LRIF1: variants seen among roughly 807,000 people sequenced by gnomAD.
LRIF1 encodes ligand dependent nuclear receptor interacting factor 1, also known as ligand-dependent nuclear receptor-interacting factor 1.
Under a neutral mutation model 52.7 loss-of-function variants are expected in LRIF1, and 32 were observed. The ratio of observed to expected loss-of-function variants is 0.61; its 90% CI spans 0.46 to 0.82. The LOEUF is 0.82. Ranked by LOEUF, LRIF1 falls within the 40% of genes least tolerant of loss-of-function variation. LRIF1 has a pLI of 0.00. For synonymous variants in LRIF1, 323 were observed against 317.4 expected (o/e 1.02, Z -0.19); for missense variants, 887 against 892.0 (o/e 0.99, Z 0.07).
At chr1:110,907,563 C>T in the LRIF1 span, among the ~76,000 whole-genome samples, 3 of 152,032 alleles carry the variant, frequency 2.0e-5, no homozygotes, top group African/African-American at 7.2e-5. Flanking sequence ...GAAACCCCCT[C>T]TCCACTAAAA....
At chr1:110,911,480 G>A in the LRIF1 span, among the ~76,000 whole-genome samples, 1 of 152,054 alleles carries the variant, frequency 6.6e-6, no homozygotes, top group Admixed American at 6.6e-5. Flanking sequence ...TGAGGAGGAG[G>A]GGCTTTTTCC....
chr1:110,924,324 C>T, the LRIF1 span, among the ~76,000 whole-genome samples: 1 of 152,086 alleles, frequency 6.6e-6, no homozygotes, highest in Non-Finnish European at 1.5e-5. Context: ...CAAAAAACTC[C>T]AGACTAAAAA....
chr1:110,906,770 T>G, the LRIF1 span, among the ~76,000 whole-genome samples: 1 of 152,100 alleles, frequency 6.6e-6, no homozygotes, highest in African/African-American at 2.4e-5. Flanking sequence ...ATAGATTCAA[T>G]GCAGTCTCAA....
chr1:110,941,745 GGTAT>G, the LRIF1 span: 2 of 151,928 alleles, frequency 1.3e-5, no homozygotes, highest in African/African-American at 2.4e-5. Context: ...TTATGTGAAG[GGTAT>G]GTGAGACATA....
At chr1:110,944,153 CAAT>C (rs1658148749), downstream of LRIF1, 1 of 152,178 alleles carries the variant, frequency 6.6e-6, no homozygotes, top group African/African-American at 2.4e-5. Context: ...ATAGCACTGA[CAAT>C]AAAAAGTGGT....
At chr1:110,938,600 T>C in the LRIF1 span, 1 of 152,174 alleles carries the variant, frequency 6.6e-6, no homozygotes, top group Non-Finnish European at 1.5e-5. Context: ...ATAGCTAGTA[T>C]CATACTGAAT....
At chr1:110,890,685 A>C in the LRIF1 span, among the ~76,000 whole-genome samples, 1 of 152,246 alleles carries the variant, frequency 6.6e-6, no homozygotes, top group African/African-American at 2.4e-5. Flanking sequence ...TGATGTCCTC[A>C]CTAAGAAAAT....
intron 1 of LRIF1, among the ~76,000 whole-genome samples, chr1:110,962,175 G>C (rs918833135): frequency 6.6e-6 from 1 of 151,498 alleles, no homozygotes; most frequent in East Asian, 1.9e-4. Flanking sequence ...AGCTAAGTCA[G>C]AAGTCAGTAA....
At chr1:110,956,463 A>G (rs1022409418) in intron 1 of LRIF1, among the ~76,000 whole-genome samples, 4 of 152,338 alleles carry the variant, frequency 2.6e-5, no homozygotes, top group Admixed American at 1.3e-4. Flanking sequence ...ATAAAAGGCT[A>G]AAGTATAGGG....
the LRIF1 span, among the ~76,000 whole-genome samples, chr1:110,876,640 T>C: frequency 6.6e-6 from 1 of 152,070 alleles, no homozygotes; most frequent in Non-Finnish European, 1.5e-5. Context: ...AATAAAGGCA[T>C]TCAAGAATTA....
At chr1:110,900,783 T>C in the LRIF1 span, among the ~76,000 whole-genome samples, 1 of 151,188 alleles carries the variant, frequency 6.6e-6, no homozygotes, top group Non-Finnish European at 1.5e-5. Context: ...AAAAGGAGAT[T>C]ATAGACAAGG....
downstream of LRIF1, among the ~76,000 whole-genome samples, chr1:110,946,910 GC>G (rs1187467238): frequency 2.0e-5 from 3 of 152,004 alleles, no homozygotes; most frequent in Non-Finnish European, 2.9e-5. Flanking sequence ...GCCCGCCTCG[GC>G]CTCCCAAAGT....
At chr1:110,926,434 A>G in the LRIF1 span, among the ~76,000 whole-genome samples, 1 of 152,108 alleles carries the variant, frequency 6.6e-6, no homozygotes, top group African/African-American at 2.4e-5. Flanking sequence ...GAAAAATTAC[A>G]CAATATATAT....
At position 110,963,833 on chromosome 1, in the gene LRIF1, G is replaced by A. The variant is rs890711793; in HGVS notation, c.-145C>T. On this transcript the variant is annotated 5_prime_UTR_variant, in exon 1 of 4. Coordinates refer to ENST00000369763, the MANE Select transcript of LRIF1 (RefSeq NM_018372.4). ...GAGGGGTTCGACCTTAACGGAGGGC[G>A]ACAGCGGGCTCTCGAGAGGGTGTAT... 5.1e-6 allele frequency: 3 copies of A among 586,968 alleles called. No individual in the cohort carries two copies. Among genetic ancestry groups the A allele is most frequent in the African/African-American group, 3.7e-5 (2 of 53,970 alleles). 36.4% of individuals were successfully genotyped at this position (586,968 alleles called of 1,614,324 possible).
At chr1:110,899,008 G>T in the LRIF1 span, 1 of 704,080 alleles carries the variant, frequency 1.4e-6, no homozygotes, top group Non-Finnish European at 2.4e-6. Flanking sequence ...AGTAATGGTT[G>T]GAAGGGTGGT....
At chr1:110,933,579 A>T in the LRIF1 span, among the ~76,000 whole-genome samples, 1 of 152,186 alleles carries the variant, frequency 6.6e-6, no homozygotes, top group Non-Finnish European at 1.5e-5. Flanking sequence ...CATTGAACTC[A>T]GTGCTGTCTT....
the LRIF1 span, chr1:110,939,469 G>C: frequency 3.4e-5 from 5 of 145,252 alleles, no homozygotes; most frequent in African/African-American, 1.3e-4. Flanking sequence ...ATTCATCACA[G>C]AAATAGAAAA....
At chr1:110,958,833 G>A (rs1321796520) in intron 1 of LRIF1, among the ~76,000 whole-genome samples, 2 of 152,166 alleles carry the variant, frequency 1.3e-5, no homozygotes, top group Middle Eastern at 3.2e-3. Flanking sequence ...AATGTTAGCT[G>A]AATTGAATCC....
Position 110,948,358 on chromosome 1 carries a change from C to T in LRIF1, c.1911G>A (p.Lys637=), listed in dbSNP as rs757829085. The T allele has an allele frequency of 3.7e-6, 6 of 1,613,566 alleles. No individual in the cohort carries two copies. The highest frequency in any genetic ancestry group is 5.1e-6 in the Non-Finnish European group (6 of 1,179,786). The change falls in exon 4 of 4, where the codon AAG becomes AAA. Residue 637 remains lysine (K), a synonymous_variant. Coordinates refer to ENST00000369763, the MANE Select transcript of LRIF1 (RefSeq NM_018372.4). The part of the protein sequence containing the change: ...DKKRKAKTNK[K]MDHIKKRKTE... ...TTTTTCTCTTCTTTATGTGATCCATCTTCTTATTAGTTTTTGCTTTTCTTT... is the reference window on the plus strand; with the variant it reads ...TTTTTCTCTTCTTTATGTGATCCATTTTCTTATTAGTTTTTGCTTTTCTTT...
Sources: allele counts gnomAD v4.1 joint callset (sites outside exome capture counted in the v4.1 genomes callset), GRCh38; gene constraint gnomAD v4.1.1; transcripts MANE v1.5; gene names NCBI Gene and HGNC (gene_info 2026-07-23, HGNC 2026-07-21).